The following NRXN1 variants were observed in gnomAD, a reference collection of about 807,000 sequenced individuals.
NRXN1 encodes neurexin 1, also known as neurexin-1.
Under a neutral mutation model 150.9 loss-of-function variants are expected in NRXN1, and 39 were observed. The observed-to-expected ratio is 0.26, with a 90% CI of 0.20 to 0.34. The LOEUF (loss-of-function observed/expected upper bound fraction) is 0.34, where lower values mean the gene tolerates loss of function less well. Among genes scored for constraint, NRXN1 ranks in the 10% least tolerant of loss-of-function variants. The pLI, the probability that NRXN1 is intolerant of heterozygous loss-of-function variation, is 1.00. For synonymous variants in NRXN1, 924 were observed against 757.0 expected, an observed-to-expected ratio of 1.22 and a Z score of -3.62; for missense variants, 1,815 against 1,949.9, an observed-to-expected ratio of 0.93 and a Z score of 1.30.
intron 17 of NRXN1, among the ~76,000 whole-genome samples, chr2:50,410,515 G>A (rs1373993940): frequency 6.6e-6 from 1 of 152,150 alleles, no homozygotes; most frequent in Non-Finnish European, 1.5e-5. Flanking sequence ...AGCTCCTGGA[G>A]CAAAGAACTA....
chr2:50,970,845 A>G (rs956841192), intron 2 of NRXN1, among the ~76,000 whole-genome samples: 5 of 151,998 alleles, frequency 3.3e-5, no homozygotes, highest in African/African-American at 1.2e-4. Context: ...CCATTAGTCT[A>G]AAAAGAACAA....
chr2:50,725,579 T>C (rs1051386828), intron 5 of NRXN1, among the ~76,000 whole-genome samples: 1 of 152,180 alleles, frequency 6.6e-6, no homozygotes, highest in Non-Finnish European at 1.5e-5. Flanking sequence ...GGGTAATTTT[T>C]CCAGCACAAG....
At chr2:50,860,393 T>C (rs973790454) in intron 5 of NRXN1, among the ~76,000 whole-genome samples, 2 of 152,074 alleles carry the variant, frequency 1.3e-5, no homozygotes, top group African/African-American at 4.8e-5. Context: ...TATATGATTT[T>C]AGAGAAGGGA....
intron 5 of NRXN1, among the ~76,000 whole-genome samples, chr2:50,848,238 G>A (rs749816487): frequency 3.3e-5 from 5 of 152,122 alleles, no homozygotes; most frequent in South Asian, 2.1e-4. Context: ...CATCCCCATC[G>A]CACGCCCTGC....
At position 50,706,055 on chromosome 2, in the gene NRXN1, G is replaced by A. The variant is rs551864737; in HGVS notation, c.833-82440C>T. On this transcript the variant is annotated intron_variant, in intron 5 of 22. Transcript: ENST00000401669. ...TTCACAAACTCTGCCATGGATCCCC[G>A]TCAAGCTTCCAAGTGCTAAACTTCA... Among the ~76,000 whole-genome samples, 144 of 152,244 alleles carry A rather than the reference G, an allele frequency of 9.5e-4. 1 individual carries two copies. The highest frequency in any genetic ancestry group is 3.3e-3 in the African/African-American group (138 of 41,560).
chr2:50,258,717 T>C lies in NRXN1; in HGVS notation c.3365-21747A>G, dbSNP rs777593484. Reference sequence around the variant, plus strand: ...TCTAGATACATCATAGGAATCACTATCTATGGCAGTTATAACTTTATAAAA... The same window carrying C: ...TCTAGATACATCATAGGAATCACTACCTATGGCAGTTATAACTTTATAAAA... On this transcript the variant is annotated intron_variant, in intron 17 of 22. Coordinates refer to ENST00000401669, the MANE Select transcript of NRXN1 (RefSeq NM_001330078.2). Among the ~76,000 whole-genome samples, 56 of 152,048 alleles carry C rather than the reference T, an allele frequency of 3.7e-4. 1 individual carries two copies. The highest frequency in any genetic ancestry group is 1.7e-4 in the African/African-American group (7 of 41,438).
chr2:50,725,650 T>A (rs919078573), intron 5 of NRXN1, among the ~76,000 whole-genome samples: 12 of 152,134 alleles, frequency 7.9e-5, no homozygotes, highest in Admixed American at 4.6e-4. Flanking sequence ...AATGCCCTTC[T>A]TACAACAGCC....
chr2:50,656,444 G>A (rs1434185282), intron 5 of NRXN1: 3 of 761,466 alleles, frequency 3.9e-6, no homozygotes, highest in South Asian at 1.4e-5. Flanking sequence ...GAAGTATCAA[G>A]TTTCTAGATT....
At position 50,307,842 on chromosome 2, in the gene NRXN1, A is replaced by G. The variant is rs188810252; in HGVS notation, c.3365-70872T>C. ...TGGAATAGTTGTATGAACACTAGAAAAAAAGAAACAGAAATGACAGGTTCC... is the reference window on the plus strand; with the variant it reads ...TGGAATAGTTGTATGAACACTAGAAGAAAAGAAACAGAAATGACAGGTTCC... On this transcript the variant is annotated intron_variant, in intron 17 of 22. Transcript: ENST00000401669. 2.0e-5 allele frequency among the ~76,000 whole-genome samples: 3 copies of G among 152,332 alleles called. No individual in the cohort carries two copies. In the East Asian group the frequency reaches 5.8e-4, roughly 29 times the overall value.
intron 2 of NRXN1, among the ~76,000 whole-genome samples, chr2:50,928,115 T>C (rs1386164567): frequency 2.0e-5 from 3 of 151,898 alleles, no homozygotes; most frequent in Non-Finnish European, 2.9e-5. Context: ...AGCTTAATAA[T>C]GGGAATTCCT....
intron 17 of NRXN1, among the ~76,000 whole-genome samples, chr2:50,244,354 C>A (rs907202142): frequency 6.6e-6 from 1 of 151,826 alleles, no homozygotes; most frequent in Non-Finnish European, 1.5e-5. Context: ...ATCAAATATG[C>A]ACCATTCATA....
At chr2:50,591,612 T>A (rs1192386905) in intron 8 of NRXN1, among the ~76,000 whole-genome samples, 4 of 152,170 alleles carry the variant, frequency 2.6e-5, no homozygotes, top group East Asian at 1.9e-4. Flanking sequence ...TTTCCTCACA[T>A]CTTATTCCAG....
chr2:50,447,472 T>C (rs1482946066), intron 17 of NRXN1, among the ~76,000 whole-genome samples: 10 of 78,090 alleles, frequency 1.3e-4, no homozygotes, highest in African/African-American at 6.8e-4. Flanking sequence ...AGAGTGAGAC[T>C]CTGTCTCAAA....
intron 17 of NRXN1, among the ~76,000 whole-genome samples, chr2:50,410,235 C>G (rs549385344): frequency 6.6e-6 from 1 of 151,868 alleles, no homozygotes. Context: ...TCTTTTTTGC[C>G]AACACTTAAT....
chr2:50,522,320 T>G (rs895219109), intron 12 of NRXN1, among the ~76,000 whole-genome samples: 4 of 152,206 alleles, frequency 2.6e-5, no homozygotes, highest in African/African-American at 9.6e-5. Flanking sequence ...ACCTAGGCAA[T>G]TGTTATAATG....
intron 5 of NRXN1, among the ~76,000 whole-genome samples, chr2:50,797,825 C>T (rs1707054344): frequency 6.6e-6 from 1 of 152,120 alleles, no homozygotes; most frequent in African/African-American, 2.4e-5. Flanking sequence ...TATATTTTGA[C>T]CAGAAGCTTC....
At chr2:50,454,233 C>T (rs984533091) in intron 17 of NRXN1, among the ~76,000 whole-genome samples, 4 of 151,902 alleles carry the variant, frequency 2.6e-5, no homozygotes, top group Non-Finnish European at 5.9e-5. Context: ...GGCTGAGGCA[C>T]GAGAATCGCT....
chr2:49,936,794 AAAAAC>A (rs1041954250), intron 22 of NRXN1, among the ~76,000 whole-genome samples: 10 of 150,940 alleles, frequency 6.6e-5, no homozygotes, highest in African/African-American at 2.2e-4. Flanking sequence ...CTATATTCTA[AAAAAC>A]AAAACAAAAA....
intron 22 of NRXN1, among the ~76,000 whole-genome samples, chr2:49,941,180 G>A (rs1671912152): frequency 6.6e-6 from 1 of 151,848 alleles, no homozygotes; most frequent in Admixed American, 6.6e-5. Context: ...ATTAATGAAT[G>A]AAAAACAAAT....
Sources: allele counts gnomAD v4.1 joint callset (sites outside exome capture counted in the v4.1 genomes callset), GRCh38; gene constraint gnomAD v4.1.1; transcripts MANE v1.5; gene names NCBI Gene and HGNC (gene_info 2026-07-23, HGNC 2026-07-21).